The following UBE2V2 variants were observed in gnomAD, a reference collection of about 807,000 sequenced individuals.
UBE2V2 encodes the protein ubiquitin-conjugating enzyme E2 variant 2.
UBE2V2 carries 9 observed loss-of-function variants against 17.2 expected under a neutral mutation model. That is an observed-to-expected ratio of 0.52 (90% confidence interval 0.32 to 0.91). The LOEUF (loss-of-function observed/expected upper bound fraction) is 0.91, where lower values mean the gene tolerates loss of function less well. Among genes scored for constraint, UBE2V2 ranks in the 40% least tolerant of loss-of-function variants. UBE2V2 has a pLI of 0.04. For missense variants in UBE2V2, 133 were observed against 182.6 expected (o/e 0.73, Z 1.56); for synonymous variants, 61 against 57.5 (o/e 1.06, Z -0.28).
chr8:48,033,296 C>G (rs886807424), intron 1 of UBE2V2, among the ~76,000 whole-genome samples: 1 of 151,934 alleles, frequency 6.6e-6, no homozygotes, highest in African/African-American at 2.4e-5. Flanking sequence ...AAGCGATTCT[C>G]CTGCCTCTGC....
intron 3 of UBE2V2, 43 bp downstream of exon 3, chr8:48,050,021 T>C: frequency 7.5e-7 from 1 of 1,334,916 alleles, no homozygotes; most frequent in Non-Finnish European, 1.0e-6. Flanking sequence ...ACATAATGTA[T>C]AGAGTTATAT....
At chr8:48,036,015 A>T (rs1240541998) in intron 1 of UBE2V2, among the ~76,000 whole-genome samples, 1 of 144,652 alleles carries the variant, frequency 6.9e-6, no homozygotes, top group Non-Finnish European at 1.5e-5. Flanking sequence ...TGGTGGCGTG[A>T]ACAAACATGG....
At chr8:48,047,157 T>A (rs2091505211) in intron 2 of UBE2V2, among the ~76,000 whole-genome samples, 1 of 152,072 alleles carries the variant, frequency 6.6e-6, no homozygotes. Context: ...GTCAAGCTGG[T>A]CTCGAACTCC....
At chr8:48,059,956 A>G (rs1433109148) in intron 3 of UBE2V2, among the ~76,000 whole-genome samples, 1 of 152,084 alleles carries the variant, frequency 6.6e-6, no homozygotes, top group East Asian at 1.9e-4. Context: ...CTGTAATCCC[A>G]GCACTTTGGG....
Position 48,047,674 on chromosome 8 carries a change from C to T in UBE2V2, c.166-2179C>T, listed in dbSNP as rs940206131. Among the ~76,000 whole-genome samples the T allele has an allele frequency of 7.2e-5, 11 of 152,108 alleles. 1 individual carries two copies. Among genetic ancestry groups the T allele is most frequent in the Admixed American group, 3.9e-4 (6 of 15,270 alleles). On this transcript the variant is annotated intron_variant, in intron 2 of 3. Coordinates refer to ENST00000523111, the MANE Select transcript of UBE2V2 (RefSeq NM_003350.3). ...CCGAGTTCAGGTGATTCTCCTGCCT[C>T]AGCCTCCCGACTAGCTGGGATTACA...
chr8:48,053,806 TG>T (rs2091554953), intron 3 of UBE2V2, among the ~76,000 whole-genome samples: 2 of 143,014 alleles, frequency 1.4e-5, no homozygotes, highest in Admixed American at 1.4e-4. Flanking sequence ...TTCCCCTTCC[TG>T]TTTTTTTTTT....
At chr8:48,052,624 G>A (rs947213133) in intron 3 of UBE2V2, among the ~76,000 whole-genome samples, 3 of 152,106 alleles carry the variant, frequency 2.0e-5, no homozygotes, top group Non-Finnish European at 2.9e-5. Context: ...TTGCAACAAC[G>A]TCTCTGATTC....
intron 1 of UBE2V2, among the ~76,000 whole-genome samples, chr8:48,014,765 T>G (rs1003264620): frequency 6.7e-6 from 1 of 148,386 alleles, no homozygotes; most frequent in Non-Finnish European, 1.5e-5. Context: ...AAAAAAAGCT[T>G]GTTGGCTGGG....
intron 1 of UBE2V2, among the ~76,000 whole-genome samples, chr8:48,014,477 C>G (rs1279054538): frequency 6.6e-6 from 1 of 151,318 alleles, no homozygotes; most frequent in Non-Finnish European, 1.5e-5. Context: ...AACCCTATCT[C>G]TACTAAAAAT....
upstream of UBE2V2, among the ~76,000 whole-genome samples, chr8:48,004,722 G>T: frequency 6.6e-6 from 1 of 151,856 alleles, no homozygotes; most frequent in East Asian, 1.9e-4. Flanking sequence ...GTAGAGGGAG[G>T]GTTTCACCAT....
chr8:48,012,333 C>T (rs1270809021), intron 1 of UBE2V2, among the ~76,000 whole-genome samples: 3 of 152,176 alleles, frequency 2.0e-5, no homozygotes, highest in African/African-American at 7.2e-5. Context: ...TAAGAAGCTA[C>T]TCTCGGGAAT....
At chr8:48,056,066 G>A (rs981474591) in intron 3 of UBE2V2, among the ~76,000 whole-genome samples, 10 of 152,112 alleles carry the variant, frequency 6.6e-5, no homozygotes, top group African/African-American at 2.4e-4. Flanking sequence ...CCCACTTTCT[G>A]TCTTTATAGA....
chr8:48,003,533 T>C (rs1380665820), upstream of UBE2V2, among the ~76,000 whole-genome samples: 1 of 152,114 alleles, frequency 6.6e-6, no homozygotes, highest in Non-Finnish European at 1.5e-5. Context: ...TGTGTGCATG[T>C]GTGTGAGTGT....
In UBE2V2 at chr8:48,008,477, T is replaced by C; in HGVS notation, c.16+7T>C. ...AAGATGGCGGTCTCCACAGGTCGGT[T>C]CCCGGGCCGGGCTGCGTGATTTTCC... On this transcript the variant is annotated splice_region_variant and intron_variant, in intron 1 of 3. Coordinates refer to ENST00000523111, the MANE Select transcript of UBE2V2 (RefSeq NM_003350.3). The C allele has an allele frequency of 1.3e-6, 2 of 1,567,332 alleles. No homozygotes were observed. Among genetic ancestry groups the C allele is most frequent in the Non-Finnish European group, 1.7e-6 (2 of 1,158,750 alleles).
intron 1 of UBE2V2, among the ~76,000 whole-genome samples, chr8:48,023,255 C>T (rs1200100203): frequency 2.0e-5 from 3 of 150,046 alleles, no homozygotes; most frequent in Non-Finnish European, 4.4e-5. Context: ...ATTGCTCTAT[C>T]GCCAGGCTGT....
At chr8:48,057,632 T>G (rs1237505002) in intron 3 of UBE2V2, among the ~76,000 whole-genome samples, 1 of 151,968 alleles carries the variant, frequency 6.6e-6, no homozygotes, top group African/African-American at 2.4e-5. Flanking sequence ...ATTTTTTTTT[T>G]CTCTTTTTTC....
intron 1 of UBE2V2, among the ~76,000 whole-genome samples, chr8:48,030,247 TG>T (rs2091373604): frequency 6.6e-6 from 1 of 152,224 alleles, no homozygotes; most frequent in South Asian, 2.1e-4. Flanking sequence ...AAGGATTCTG[TG>T]TTCAGTATCA....
chr8:48,020,687 C>A (rs183875907), intron 1 of UBE2V2, among the ~76,000 whole-genome samples: 7 of 152,206 alleles, frequency 4.6e-5, no homozygotes, highest in African/African-American at 9.6e-5. Flanking sequence ...CTCACTATAA[C>A]CTCCAACTCA....
chr8:48,008,742 C>T (rs570219968), intron 1 of UBE2V2, among the ~76,000 whole-genome samples: 10 of 151,192 alleles, frequency 6.6e-5, no homozygotes, highest in Non-Finnish European at 1.2e-4. Flanking sequence ...TAGGTTCCGG[C>T]GGGCGCGGGT....
Sources: allele counts gnomAD v4.1 joint callset (sites outside exome capture counted in the v4.1 genomes callset), GRCh38; gene constraint gnomAD v4.1.1; transcripts MANE v1.5; gene names NCBI Gene and HGNC (gene_info 2026-07-23, HGNC 2026-07-21).